Variants in DNAH17 observed in about 807,000 individuals in gnomAD.
DNAH17 encodes the protein axonemal beta dynein heavy chain 17.
A neutral mutation model predicts 485.6 loss-of-function variants in DNAH17; 376 were observed. The observed-to-expected ratio is 0.77, with a 90% confidence interval of 0.71 to 0.84. The LOEUF is 0.84. Ranked by LOEUF, DNAH17 falls within the 40% of genes least tolerant of loss-of-function variation. DNAH17 has a pLI of 0.00. For synonymous variants in DNAH17, 3,031 were observed against 2,405.9 expected (o/e 1.26, Z -7.60); for missense variants, 6,370 against 5,839.3 (o/e 1.09, Z -2.96).
Position 78,458,735 on chromosome 17 carries a change from C to G in DNAH17, c.9862-55G>C, listed in dbSNP as rs561716610. ...AAACCCCACGAGGCATCTCTAGCCC[C>G]CTGCAGCGGCAGCAGGGCTGGGCCC... On this transcript the variant is annotated intron_variant, in intron 61 of 80. Transcript: ENST00000389840. 62 of 1,477,754 alleles carry G rather than the reference C, an allele frequency of 4.2e-5. No individual in the cohort carries two copies. The African/African-American group carries it at 7.6e-4, about 18-fold the overall frequency. 91.5% of individuals were successfully genotyped at this position (1,477,754 alleles called of 1,614,324 possible).
intron 75 of DNAH17, 67 bp from the exon 76 acceptor site, chr17:78,429,367 G>A: frequency 6.6e-7 from 1 of 1,525,940 alleles, no homozygotes; most frequent in Non-Finnish European, 8.9e-7. Context: ...GAGAGGGTCA[G>A]GCTCAGGCAG....
chr17:78,523,795 T>C (rs75695349), intron 25 of DNAH17, among the ~76,000 whole-genome samples: 9,246 of 152,216 alleles, frequency 0.061, 383 homozygotes, highest in South Asian at 0.13. Flanking sequence ...TAGTCCCAGT[T>C]ACTTGCGAGG....
intron 21 of DNAH17, 26 bp from the exon 22 acceptor site, chr17:78,529,720 T>C: frequency 6.2e-7 from 1 of 1,611,062 alleles, no homozygotes; most frequent in South Asian, 1.1e-5. Flanking sequence ...ACCATTTGTG[T>C]GGCCCCAGCC....
rs117235842 is a variant in DNAH17, at chr17:78,425,740, G to A, written c.12916-169C>T. On this transcript the variant is annotated intron_variant, in intron 79 of 80. Coordinates refer to ENST00000389840, the MANE Select transcript of DNAH17 (RefSeq NM_173628.4). ...ATGGAGCCCAGCCACCTACCATGAC[G>A]CAACTTTGGTGTCTGCTTTTTTTTT... 2,776 of 456,476 alleles carry A rather than the reference G, an allele frequency of 6.1e-3. 23 individuals carry two copies. The highest frequency in any genetic ancestry group is 8.9e-3 in the Admixed American group (226 of 25,324). 28.3% of individuals were successfully genotyped at this position (456,476 alleles called of 1,614,324 possible).
rs2090057660 is a variant in DNAH17, at chr17:78,495,993, C to T, written c.5785G>A (p.Ala1929Thr). 4 of 1,613,814 alleles carry T rather than the reference C, an allele frequency of 2.5e-6. No homozygotes were observed. The highest frequency in any genetic ancestry group is 1.7e-4 in the Middle Eastern group (1 of 6,058). ...ATGATCTCTCCCAGGAAATTGAATGCTTTTTTCTTGGCCCGAATTGCATCC... is the reference window on the plus strand; with the variant it reads ...ATGATCTCTCCCAGGAAATTGAATGTTTTTTTCTTGGCCCGAATTGCATCC... ...VQDAIRAKKK[A>T]FNFLGEIIGL... Residue 1929 changes from alanine (A) to threonine (T), a missense_variant, in exon 38 of 81, where the codon GCA becomes ACA. Transcript: ENST00000389840.
At chr17:78,441,854 G>A (rs1337578112) in intron 71 of DNAH17, among the ~76,000 whole-genome samples, 2 of 152,196 alleles carry the variant, frequency 1.3e-5, no homozygotes, top group East Asian at 3.9e-4. Context: ...GGAGGCCAAG[G>A]AGGGCAGATC....
At chr17:78,449,951 C>CA (rs1480463031) in intron 68 of DNAH17, 2 of 479,162 alleles carry the variant, frequency 4.2e-6, no homozygotes, top group Non-Finnish European at 7.6e-6. Context: ...GCTGAGATGA[C>CA]AGGCATGAGC....
At chr17:78,432,908 C>CG (rs1555650496) in intron 75 of DNAH17, among the ~76,000 whole-genome samples, 6 of 121,752 alleles carry the variant, frequency 4.9e-5, no homozygotes, top group East Asian at 5.8e-4. Flanking sequence ...ACGTGCCCCC[C>CG]CCCCCCGACC....
At chr17:78,567,898 G>A (rs976860152) in intron 9 of DNAH17, among the ~76,000 whole-genome samples, 34 of 152,266 alleles carry the variant, frequency 2.2e-4, no homozygotes, top group Admixed American at 8.5e-4. Flanking sequence ...CTGTGCCCCT[G>A]CACCTACCAG....
chr17:78,478,120 A>G (rs572403280), intron 51 of DNAH17, among the ~76,000 whole-genome samples: 250 of 150,984 alleles, frequency 1.7e-3, no homozygotes, highest in African/African-American at 5.8e-3. Context: ...CTCCACCATC[A>G]CCACCACGTG....
At chr17:78,554,473 G>GAAAAAAAAAAAT (rs1568246690) in intron 14 of DNAH17, among the ~76,000 whole-genome samples, 1 of 124,752 alleles carries the variant, frequency 8.0e-6, no homozygotes. Flanking sequence ...AAAAAAAAAG[G>GAAAAAAAAAAAT]ATAGGTTCTA....
intron 69 of DNAH17, among the ~76,000 whole-genome samples, chr17:78,447,803 A>ATGCCCAACCTGTTTATGCAATTAGTGT (rs2087372354): frequency 6.6e-6 from 1 of 151,330 alleles, no homozygotes; most frequent in Non-Finnish European, 1.5e-5. Flanking sequence ...GCTTACACTG[A>ATGCCCAACCTGTTTATGCAATTAGTGT]TGCCCAACCT....
intron 26 of DNAH17, chr17:78,510,764 A>C: frequency 2.5e-6 from 1 of 394,852 alleles, no homozygotes; most frequent in African/African-American, 2.3e-5. Context: ...CCCCCGCAAA[A>C]TTCACATCCG....
rs548177382 is a variant in DNAH17 at position 78,526,655 on chromosome 17, T to G, written c.3707A>C (p.Asn1236Thr). 1.9e-6 allele frequency: 3 copies of G among 1,601,972 alleles called. No individual in the cohort carries two copies. Among genetic ancestry groups the G allele is most frequent in the East Asian group, 4.5e-5 (2 of 44,590 alleles). ...CTCACCCTTGAGCAAAAATACCTTATTCAGGGACTTGTAGGGGTTGGGGTC... is the reference window on the plus strand; with the variant it reads ...CTCACCCTTGAGCAAAAATACCTTAGTCAGGGACTTGTAGGGGTTGGGGTC... ...FSDPNPYKSL[N>T]KQQKSISAME... Residue 1236 changes from asparagine to threonine, a missense_variant, in exon 24 of 81, where the codon AAT becomes ACT. Asn to Thr is a moderately conservative substitution (Grantham distance 65). Coordinates refer to ENST00000389840, the MANE Select transcript of DNAH17 (RefSeq NM_173628.4).
chr17:78,432,960 TG>T (rs1316108136), intron 75 of DNAH17, among the ~76,000 whole-genome samples: 46 of 114,802 alleles, frequency 4.0e-4, no homozygotes, highest in African/African-American at 1.4e-3. Context: ...ATCCAGGCCC[TG>T]GGAGTCCTCC....
intron 11 of DNAH17, among the ~76,000 whole-genome samples, chr17:78,565,999 C>A (rs2092259445): frequency 6.6e-6 from 1 of 151,932 alleles, no homozygotes; most frequent in Admixed American, 6.6e-5. Flanking sequence ...AACAAACAAA[C>A]CCCTTAAAAC....
At chr17:78,573,179 C>T (rs1450016673) in intron 2 of DNAH17, among the ~76,000 whole-genome samples, 1 of 152,196 alleles carries the variant, frequency 6.6e-6, no homozygotes, top group Non-Finnish European at 1.5e-5. Flanking sequence ...GCACCCATAG[C>T]ACACACTCCT....
At chr17:78,572,965 C>A in intron 2 of DNAH17, 71 bp from the exon 3 acceptor site, 1 of 1,421,062 alleles carries the variant, frequency 7.0e-7, no homozygotes, top group South Asian at 1.3e-5. Flanking sequence ...AGAGCCAGGT[C>A]CCCGGGGGGT....
In DNAH17 at chr17:78,523,015, A is replaced by C. The variant is rs185765216; in HGVS notation, c.3864+1994T>G. Among the ~76,000 whole-genome samples, 370 of 152,186 alleles carry C rather than the reference A, an allele frequency of 2.4e-3. 1 individual carries two copies. Among genetic ancestry groups the C allele is most frequent in the African/African-American group, 8.2e-3 (340 of 41,532 alleles). On this transcript the variant is annotated intron_variant, in intron 25 of 80. Transcript: ENST00000389840. ...ATCACAAGTGCACACCACCACGCCC[A>C]GCTAATTTTTTGTATTTTTAGTAGA...
Sources: gnomAD v4.1 joint callset for allele counts (sites outside exome capture counted in the v4.1 genomes callset) on GRCh38, gnomAD v4.1.1 for gene constraint, MANE v1.5 for transcripts, NCBI Gene and HGNC (gene_info 2026-07-23, HGNC 2026-07-21) for gene names.